The following CDH18 variants were observed in gnomAD, a reference collection of about 807,000 sequenced individuals.
CDH18 encodes cadherin 18, also known as cadherin-18.
A neutral mutation model predicts 67.9 loss-of-function variants in CDH18; 31 were observed. That is an observed-to-expected ratio of 0.46 (90% confidence interval 0.34 to 0.62). CDH18 has a LOEUF of 0.62. Among genes scored for constraint, CDH18 ranks in the 20% least tolerant of loss-of-function variants. The pLI is 0.01. For missense variants in CDH18, 890 were observed against 975.5 expected (o/e 0.91, Z 1.17); for synonymous variants, 362 against 347.2 (o/e 1.04, Z -0.48).
At chr5:20,277,749 A>C (rs1342489850) in intron 1 of CDH18, among the ~76,000 whole-genome samples, 1 of 152,130 alleles carries the variant, frequency 6.6e-6, no homozygotes, top group Admixed American at 6.6e-5. Flanking sequence ...TTTTGAGGAA[A>C]CTCAATGAAA....
chr5:20,497,553 T>C (rs954691311), intron 1 of CDH18, among the ~76,000 whole-genome samples: 1 of 152,118 alleles, frequency 6.6e-6, no homozygotes, highest in African/African-American at 2.4e-5. Flanking sequence ...TCTAGGTTTG[T>C]GTAAGTACAC....
chr5:19,479,806 A>T (rs1446531594), intron 12 of CDH18, among the ~76,000 whole-genome samples: 1 of 152,278 alleles, frequency 6.6e-6, no homozygotes, highest in South Asian at 2.1e-4. Flanking sequence ...ATATGCTTTT[A>T]CAGCATATTT....
At chr5:19,602,462 C>A (rs900312875) in intron 6 of CDH18, among the ~76,000 whole-genome samples, 26 of 149,332 alleles carry the variant, frequency 1.7e-4, no homozygotes, top group African/African-American at 5.4e-4. Flanking sequence ...CACTGCAAAA[C>A]ACACACACAC....
At chr5:20,356,908 C>T (rs562904548) in intron 1 of CDH18, among the ~76,000 whole-genome samples, 9 of 149,418 alleles carry the variant, frequency 6.0e-5, no homozygotes, top group Non-Finnish European at 1.2e-4. Flanking sequence ...TGTATATATA[C>T]GTGTGTATAC....
At chr5:20,296,954 T>G (rs932526480) in intron 1 of CDH18, among the ~76,000 whole-genome samples, 2 of 151,834 alleles carry the variant, frequency 1.3e-5, no homozygotes, top group African/African-American at 4.8e-5. Flanking sequence ...AATAAGTACT[T>G]AATTATTATT....
intron 2 of CDH18, among the ~76,000 whole-genome samples, chr5:20,232,858 C>T (rs944743676): frequency 1.3e-5 from 2 of 152,004 alleles, no homozygotes; most frequent in Non-Finnish European, 2.9e-5. Context: ...TGTGACTACT[C>T]TATTTATAAT....
At chr5:19,652,907 T>C (rs184721343) in intron 5 of CDH18, among the ~76,000 whole-genome samples, 7 of 152,292 alleles carry the variant, frequency 4.6e-5, no homozygotes, top group African/African-American at 1.4e-4. Flanking sequence ...AGCTCTTAGA[T>C]ATTGAAATGG....
intron 2 of CDH18, among the ~76,000 whole-genome samples, chr5:19,956,491 G>T (rs1796268943): frequency 6.6e-6 from 1 of 151,686 alleles, no homozygotes; most frequent in East Asian, 1.9e-4. Flanking sequence ...ACAGAGTGAT[G>T]CTCCTTATAA....
In CDH18 at chr5:20,199,574, T is replaced by G. The variant is rs1052241109; in HGVS notation, c.-518+55870A>C. Among the ~76,000 whole-genome samples, 9 of 152,116 alleles carry G rather than the reference T, an allele frequency of 5.9e-5. No homozygotes were observed. The South Asian group carries it at 1.9e-3, about 32-fold the overall frequency. ...CCTCAGATGAGATTTTGGACTGGGA[T>G]TTTTGGTTAATTCTGGAATGAGTTA... is the stretch of plus-strand genomic sequence containing the variant. On this transcript the variant is annotated intron_variant, in intron 2 of 14. Coordinates refer to the CDH18 transcript ENST00000507958.
chr5:19,624,018 T>TATTATTATTATG (rs1554062540), intron 5 of CDH18, among the ~76,000 whole-genome samples: 45 of 148,356 alleles, frequency 3.0e-4, no homozygotes, highest in East Asian at 1.8e-3. Context: ...TTATTATTAT[T>TATTATTATTATG]ATTATTGAGA....
intron 5 of CDH18, among the ~76,000 whole-genome samples, 192 bp from the exon 6 acceptor site, chr5:19,612,793 C>A (rs1430753336): frequency 6.6e-6 from 1 of 152,038 alleles, no homozygotes; most frequent in Non-Finnish European, 1.5e-5. Context: ...ATCCCATGCC[C>A]CAAACATCCT....
At chr5:20,223,104 C>T (rs1435323494) in intron 2 of CDH18, among the ~76,000 whole-genome samples, 1 of 152,022 alleles carries the variant, frequency 6.6e-6, no homozygotes, top group Non-Finnish European at 1.5e-5. Context: ...GGAAAAGCCA[C>T]AGACACTCAA....
chr5:19,984,772 C>T (rs1799395131), intron 1 of CDH18, among the ~76,000 whole-genome samples: 1 of 152,130 alleles, frequency 6.6e-6, no homozygotes. Context: ...TAATCCATGT[C>T]AGTATGCACC....
chr5:20,077,615 G>T (rs1744063939), intron 2 of CDH18, among the ~76,000 whole-genome samples: 1 of 152,178 alleles, frequency 6.6e-6, no homozygotes, highest in African/African-American at 2.4e-5. Context: ...GCTATTTGCT[G>T]TTGGAAAAGA....
At chr5:20,457,659 C>A (rs139598850) in intron 1 of CDH18, among the ~76,000 whole-genome samples, 7 of 152,140 alleles carry the variant, frequency 4.6e-5, no homozygotes, top group Non-Finnish European at 7.4e-5. Context: ...CTGTACTAGC[C>A]CTTTTCTAAG....
intron 2 of CDH18, among the ~76,000 whole-genome samples, chr5:19,994,738 TAGAGAGAGAGAGAGAGAG>T (rs869278538): frequency 0.024 from 324 of 13,498 alleles, 9 homozygotes; most frequent in East Asian, 0.048. Flanking sequence ...TATATATATA[TAGAGAGAGAGAGAGAGAG>T]AGAGAGAGAG....
At chr5:20,041,538 G>A (rs1347144989) in intron 2 of CDH18, among the ~76,000 whole-genome samples, 2 of 152,072 alleles carry the variant, frequency 1.3e-5, no homozygotes, top group Admixed American at 6.6e-5. Flanking sequence ...TTCTCCTCCC[G>A]TGGAAACAAA....
At position 20,434,483 on chromosome 5, in the gene CDH18, G is replaced by A. The variant is rs546242809; in HGVS notation, c.-580+140979C>T. 5.3e-5 allele frequency among the ~76,000 whole-genome samples: 8 copies of A among 152,008 alleles called. No homozygotes were observed. In the South Asian group the frequency reaches 1.5e-3, roughly 28 times the overall value. The stretch of plus-strand genomic sequence containing the variant: ...ACTTCAATAGCAAATTGAATAAAAC[G>A]TATTGTGTGTATCTTGGTAACTGGA... On this transcript the variant is annotated intron_variant, in intron 1 of 14. Transcript: ENST00000507958.
intron 1 of CDH18, among the ~76,000 whole-genome samples, chr5:20,380,828 T>A (rs1426050681): frequency 6.6e-6 from 1 of 152,162 alleles, no homozygotes; most frequent in East Asian, 1.9e-4. Context: ...ACTGATTAAC[T>A]ATGGACAATT....
Sources: gnomAD v4.1 joint callset for allele counts (sites outside exome capture counted in the v4.1 genomes callset) on GRCh38, gnomAD v4.1.1 for gene constraint, MANE v1.5 for transcripts, NCBI Gene and HGNC (gene_info 2026-07-23, HGNC 2026-07-21) for gene names.